ADGRF5: variants seen among roughly 807,000 people sequenced by gnomAD.
ADGRF5 encodes the protein G-protein coupled receptor 116.
A neutral mutation model predicts 132.3 loss-of-function variants in ADGRF5; 75 were observed. The observed-to-expected ratio is 0.57, with a 90% CI of 0.47 to 0.69. The LOEUF is 0.69. Ranked by LOEUF, ADGRF5 falls within the 30% of genes least tolerant of loss-of-function variation. The pLI is 0.00. For synonymous variants in ADGRF5, 629 were observed against 597.6 expected (o/e 1.05, Z -0.77); for missense variants, 1,516 against 1,630.6 (o/e 0.93, Z 1.21).
At chr6:46,881,139 G>A (rs772078766) in intron 8 of ADGRF5, among the ~76,000 whole-genome samples, 5 of 152,112 alleles carry the variant, frequency 3.3e-5, no homozygotes, top group African/African-American at 1.2e-4. Flanking sequence ...TTTCTTATTG[G>A]TGCATTTTGT....
At chr6:46,895,230 TA>T (rs974117698) in intron 3 of ADGRF5, among the ~76,000 whole-genome samples, 1 of 151,812 alleles carries the variant, frequency 6.6e-6, no homozygotes, top group Non-Finnish European at 1.5e-5. Flanking sequence ...TTGGTATAGT[TA>T]AAAAAACAAA....
chr6:46,907,950 A>G (rs150865598), intron 1 of ADGRF5: 29 of 152,358 alleles, frequency 1.9e-4, no homozygotes, highest in African/African-American at 6.3e-4. Context: ...CTGATCGTCA[A>G]TAGAATCCAG....
chr6:46,932,848 T>C (rs1426726232), intron 1 of ADGRF5, among the ~76,000 whole-genome samples: 4 of 152,224 alleles, frequency 2.6e-5, no homozygotes, highest in Non-Finnish European at 5.9e-5. Flanking sequence ...TGAGGGATGA[T>C]GTATTCTTTT....
intron 13 of ADGRF5, among the ~76,000 whole-genome samples, chr6:46,866,710 G>C (rs375038955): frequency 2.0e-5 from 3 of 151,524 alleles, no homozygotes; most frequent in African/African-American, 7.3e-5. Context: ...AAAAAAAAAG[G>C]CTCCACCATT....
intron 1 of ADGRF5, chr6:46,907,727 A>C (rs914617326): frequency 6.6e-6 from 1 of 152,154 alleles, no homozygotes; most frequent in Non-Finnish European, 1.5e-5. Context: ...AGAATGCTAG[A>C]CTGAGAGACA....
intron 2 of ADGRF5, among the ~76,000 whole-genome samples, chr6:46,906,205 T>TCA (rs144258389): frequency 1.3e-5 from 2 of 152,152 alleles, no homozygotes; most frequent in African/African-American, 2.4e-5. Flanking sequence ...TCTGTGACTG[T>TCA]CACACACACA....
intron 10 of ADGRF5, among the ~76,000 whole-genome samples, chr6:46,873,065 C>A (rs1771261747): frequency 6.6e-6 from 1 of 152,086 alleles, no homozygotes; most frequent in Non-Finnish European, 1.5e-5. Flanking sequence ...CTCTAAGGCT[C>A]ACCCCGCCAC....
chr6:46,867,799 G>T (rs991070366), intron 12 of ADGRF5, among the ~76,000 whole-genome samples: 1 of 152,140 alleles, frequency 6.6e-6, no homozygotes, highest in Admixed American at 6.5e-5. Context: ...CCTGCTGCGG[G>T]GGGGAAGAGG....
chr6:46,892,774 A>G (rs1310523774), intron 3 of ADGRF5, among the ~76,000 whole-genome samples: 1 of 152,204 alleles, frequency 6.6e-6, no homozygotes, highest in Admixed American at 6.5e-5. Flanking sequence ...AAAAGTTCAC[A>G]TTCAGGAAAA....
In ADGRF5 at chr6:46,852,635, C is replaced by T. The variant is rs1768615953; in HGVS notation, c.*1357G>A. On this transcript the variant is annotated 3_prime_UTR_variant, in exon 21 of 21. Transcript: ENST00000283296. ...TTTATATTTTTTAATGAAATACACACCAAAAAAAAGCACACATGCAGATAA... is the reference window on the plus strand; with the variant it reads ...TTTATATTTTTTAATGAAATACACATCAAAAAAAAGCACACATGCAGATAA... 7.0e-6 allele frequency: 1 copy of T among 142,952 alleles called. No homozygotes were observed. The highest frequency in any genetic ancestry group is 3.0e-5 in the African/African-American group (1 of 32,960). 8.9% of individuals were successfully genotyped at this position (142,952 alleles called of 1,614,324 possible).
At chr6:46,886,990 G>A (rs1226444139) in intron 4 of ADGRF5, 3 of 152,130 alleles carry the variant, frequency 2.0e-5, no homozygotes, top group Non-Finnish European at 4.4e-5. Context: ...TTTTAATTGA[G>A]AAGCTTGTTA....
At chr6:46,953,647 A>ATGTG (rs536152673) in intron 1 of ADGRF5, among the ~76,000 whole-genome samples, 9 of 24,322 alleles carry the variant, frequency 3.7e-4, no homozygotes, top group African/African-American at 9.8e-4. Context: ...ATATAGATAT[A>ATGTG]TGTGTATATA....
chr6:46,952,660 G>T lies in ADGRF5; in HGVS notation c.-25+2074C>A, dbSNP rs990665997. On this transcript the variant is annotated intron_variant, in intron 1 of 20. Coordinates refer to the ADGRF5 transcript ENST00000265417. ...AGATTCAAACTATAGATCTCGATCT[G>T]ATAATTAGGGTTTTTCAGACAATGT... 1.8e-4 allele frequency among the ~76,000 whole-genome samples: 27 copies of T among 152,320 alleles called. No homozygotes were observed. The Middle Eastern group carries it at 0.01, about 58-fold the overall frequency.
At chr6:46,926,564 C>A (rs1445750529), upstream of ADGRF5, among the ~76,000 whole-genome samples, 2 of 152,078 alleles carry the variant, frequency 1.3e-5, no homozygotes, top group Admixed American at 1.3e-4. Flanking sequence ...GATCTATCCT[C>A]GGGGAGCGCT....
At position 46,859,375 on chromosome 6, in the gene ADGRF5, G is replaced by T; in HGVS notation, c.2528C>A (p.Pro843His). The T allele has an allele frequency of 6.2e-7, 1 of 1,613,862 alleles. No homozygotes were observed. Among genetic ancestry groups the T allele is most frequent in the Non-Finnish European group, 8.5e-7 (1 of 1,179,770 alleles). The change falls in exon 17 of 21, where the codon CCT becomes CAT. Residue 843 changes from proline (P) to histidine (H), a missense_variant. By Grantham distance (77) the Pro-to-His change is moderately conservative. Transcript: ENST00000283296. ...SQALQSGDSP[P>H]LSFSQTNVQM... ...CACATTAGTTTGGGAGAAGGACAAA[G>T]GAGGGCTATCTCCCGACTGTAATGC...
At chr6:46,889,592 A>ATATATATG (rs1386072858) in intron 3 of ADGRF5, among the ~76,000 whole-genome samples, 2 of 143,446 alleles carry the variant, frequency 1.4e-5, no homozygotes, top group East Asian at 4.0e-4. Flanking sequence ...ATATATATAT[A>ATATATATG]TAGTCTGGCC....
chr6:46,860,907 A>C lies in ADGRF5; in HGVS notation c.2200-13T>G. 1 of 1,570,082 alleles carries C rather than the reference A, an allele frequency of 6.4e-7. No homozygotes were observed. The highest frequency in any genetic ancestry group is 8.7e-7 in the Non-Finnish European group (1 of 1,155,152). The stretch of plus-strand genomic sequence containing the variant: ...TCTTGATCAAAGCCTAGTAAAACAA[A>C]AGCCAACACAAAAAAAAATTTACCA... On this transcript the variant is annotated splice_polypyrimidine_tract_variant and intron_variant, in intron 15 of 20. Transcript: ENST00000283296.
At chr6:46,877,289 T>TTCTTTC (rs1395354122) in intron 10 of ADGRF5, among the ~76,000 whole-genome samples, 57 of 68,104 alleles carry the variant, frequency 8.4e-4, no homozygotes, top group African/African-American at 2.8e-3. Context: ...CTTTCTTTCT[T>TTCTTTC]TCTCTCTCTC....
In ADGRF5 at chr6:46,852,789, C is replaced by A. The variant is rs948443271; in HGVS notation, c.*1203G>T. 1 of 151,776 alleles carries A rather than the reference C, an allele frequency of 6.6e-6. No individual in the cohort carries two copies. The highest frequency in any genetic ancestry group is 1.5e-5 in the Non-Finnish European group (1 of 68,014). 9.4% of individuals were successfully genotyped at this position (151,776 alleles called of 1,614,324 possible). On this transcript the variant is annotated 3_prime_UTR_variant, in exon 21 of 21. Transcript: ENST00000283296. ...GCTTTCCACGTGGTTGGAATAAACA[C>A]AATTTAGACCATGCAAAACTCTTAA...
Sources: allele counts gnomAD v4.1 joint callset (sites outside exome capture counted in the v4.1 genomes callset), GRCh38; gene constraint gnomAD v4.1.1; transcripts MANE v1.5; gene names NCBI Gene and HGNC (gene_info 2026-07-23, HGNC 2026-07-21).